PFKP: variants seen among roughly 807,000 people sequenced by gnomAD.
PFKP encodes ATP-dependent 6-phosphofructokinase, platelet type.
A neutral mutation model predicts 94.3 loss-of-function variants in PFKP; 101 were observed. The ratio of observed to expected loss-of-function variants is 1.07; its 90% CI spans 0.91 to 1.26. PFKP has a LOEUF of 1.26. PFKP is among the 50% of genes most tolerant of loss of function. The pLI is 0.00. For synonymous variants in PFKP, 573 were observed against 432.6 expected (o/e 1.32, Z -4.03); for missense variants, 1,145 against 1,103.3 (o/e 1.04, Z -0.53).
chr10:3,118,272 T>G (rs1837027276), intron 14 of PFKP, among the ~76,000 whole-genome samples: 1 of 152,208 alleles, frequency 6.6e-6, no homozygotes, highest in Admixed American at 6.5e-5. Context: ...ATGGAGACCA[T>G]CCTGGCCAAC....
intron 1 of PFKP, among the ~76,000 whole-genome samples, chr10:3,070,016 G>T (rs933032904): frequency 2.0e-5 from 3 of 152,240 alleles, no homozygotes; most frequent in Admixed American, 1.3e-4. Flanking sequence ...GCAACCTCGG[G>T]TTAATAGGAG....
intron 2 of PFKP, among the ~76,000 whole-genome samples, chr10:3,086,087 C>A (rs1833569688): frequency 6.6e-6 from 1 of 152,094 alleles, no homozygotes; most frequent in Non-Finnish European, 1.5e-5. Context: ...GTTTTAAAAG[C>A]TGTTTGGGGA....
At chr10:3,118,104 A>G (rs1301312313) in intron 14 of PFKP, among the ~76,000 whole-genome samples, 2 of 152,136 alleles carry the variant, frequency 1.3e-5, no homozygotes, top group African/African-American at 4.8e-5. Context: ...AGCAGGTATG[A>G]GCAGATGGGA....
chr10:3,070,075 C>G (rs1259395928), intron 1 of PFKP, among the ~76,000 whole-genome samples: 1 of 152,254 alleles, frequency 6.6e-6, no homozygotes, highest in Admixed American at 6.5e-5. Flanking sequence ...TGGCCTCGAG[C>G]CCACATGGGT....
chr10:3,118,880 G>C lies in PFKP; in HGVS notation c.1530+11G>C, dbSNP rs368880362. 1 of 1,605,032 alleles carries C rather than the reference G, an allele frequency of 6.2e-7. No homozygotes were observed. The highest frequency in any genetic ancestry group is 1.1e-5 in the South Asian group (1 of 90,504). Reference sequence around the variant, plus strand: ...ATCGGTGGATTCGAGGTACGTTACCGTTTCTCTCTTGCCGGTCTTGCAGGT... The same window carrying C: ...ATCGGTGGATTCGAGGTACGTTACCCTTTCTCTCTTGCCGGTCTTGCAGGT... On this transcript the variant is annotated intron_variant, in intron 15 of 21. Coordinates refer to ENST00000381125, the MANE Select transcript of PFKP (RefSeq NM_002627.5).
intron 3 of PFKP, chr10:3,100,968 C>T (rs895497758): frequency 1.1e-5 from 18 of 1,612,160 alleles, no homozygotes; most frequent in East Asian, 6.7e-5. Flanking sequence ...CTGGTCACAC[C>T]GCTTCCCTTG....
At chr10:3,072,263 T>A (rs990851993) in intron 1 of PFKP, among the ~76,000 whole-genome samples, 1 of 152,224 alleles carries the variant, frequency 6.6e-6, no homozygotes, top group African/African-American at 2.4e-5. Flanking sequence ...GTCAGAAGTG[T>A]GAGGTTTCCA....
chr10:3,072,377 C>T (rs1832262639), intron 1 of PFKP, among the ~76,000 whole-genome samples: 1 of 152,216 alleles, frequency 6.6e-6, no homozygotes, highest in African/African-American at 2.4e-5. Flanking sequence ...GGCTTCGGAG[C>T]CCAGTAGGGT....
intron 11 of PFKP, 68 bp downstream of exon 11, chr10:3,112,354 C>G (rs373829642): frequency 8.7e-7 from 1 of 1,151,170 alleles, no homozygotes; most frequent in Non-Finnish European, 1.3e-6. Flanking sequence ...CCACTGCAAA[C>G]GTGCTTAGGG....
At chr10:3,109,257 A>G in intron 9 of PFKP, 98 bp from the exon 10 acceptor site, 1 of 1,499,128 alleles carries the variant, frequency 6.7e-7, no homozygotes, top group Non-Finnish European at 9.2e-7. Context: ...GGCTGTGAGC[A>G]CCTGACTGAG....
intron 2 of PFKP, among the ~76,000 whole-genome samples, chr10:3,092,345 TAGAG>T: frequency 6.6e-6 from 1 of 151,998 alleles, no homozygotes. Flanking sequence ...CTCGTGGAGG[TAGAG>T]AGGAGGATGT....
At chr10:3,116,872 AC>A in intron 14 of PFKP, 26 bp downstream of exon 14, 1 of 1,526,112 alleles carries the variant, frequency 6.6e-7, no homozygotes, top group Non-Finnish European at 9.1e-7. Context: ...CAACTCTATG[AC>A]CTGCTTTTAA....
At position 3,071,436 on chromosome 10, in the gene PFKP, T is replaced by G. The variant is rs940117300; in HGVS notation, c.112+3729T>G. Among the ~76,000 whole-genome samples the G allele has an allele frequency of 7.1e-4, 75 of 105,534 alleles. 1 individual carries two copies. The highest frequency in any genetic ancestry group is 1.7e-3 in the African/African-American group (64 of 38,062). 69.2% of individuals were successfully genotyped at this position (105,534 alleles called of 152,430 possible). A position where few individuals can be genotyped will look rare whatever the true frequency, so the allele number is the denominator to read the frequency against. On this transcript the variant is annotated intron_variant, in intron 1 of 21. Transcript: ENST00000381125. ...TCTTCTGTCTCAGGCTGTTTTTTTT[T>G]TTTTTTTTTTTTTCTTTCTCTTCTT... is the stretch of plus-strand genomic sequence containing the variant.
chr10:3,104,469 C>A (rs1171013371), intron 5 of PFKP, among the ~76,000 whole-genome samples: 1 of 152,172 alleles, frequency 6.6e-6, no homozygotes, highest in Non-Finnish European at 1.5e-5. Context: ...TAAGTGTCTC[C>A]CCTTTAAGGA....
intron 20 of PFKP, among the ~76,000 whole-genome samples, chr10:3,134,861 G>T (rs988193291): frequency 2.6e-5 from 4 of 152,204 alleles, no homozygotes; most frequent in African/African-American, 9.7e-5. Context: ...GATCCTGAAC[G>T]TTGGCCAGCA....
intron 2 of PFKP, among the ~76,000 whole-genome samples, chr10:3,098,895 G>A (rs970311988): frequency 3.3e-5 from 5 of 152,256 alleles, no homozygotes; most frequent in East Asian, 1.9e-4. Context: ...TGTATGTCCC[G>A]TGCTCGACAG....
Position 3,119,974 on chromosome 10 carries a change from CTGTGTCCAA to C in PFKP, c.1614_1622del (p.Val539_Asn541del), listed in dbSNP as rs1433707543. On this transcript the variant is annotated inframe_deletion, in exon 16 of 22. Coordinates refer to ENST00000381125, the MANE Select transcript of PFKP (RefSeq NM_002627.5). ...GTCCCCATGGTCATGGTTCCCGCTA[CTGTGTCCAA>C]CAATGTGCCGGGTTCCGATTTCAGC... 6.2e-7 allele frequency: 1 copy of C among 1,614,168 alleles called. No individual in the cohort carries two copies. Among genetic ancestry groups the C allele is most frequent in the Admixed American group, 1.7e-5 (1 of 60,036 alleles).
intron 3 of PFKP, among the ~76,000 whole-genome samples, chr10:3,099,639 G>A (rs1273821445): frequency 6.6e-6 from 1 of 152,206 alleles, no homozygotes; most frequent in African/African-American, 2.4e-5. Context: ...CTCTGCATTG[G>A]GCGCCTCCTG....
Position 3,099,262 on chromosome 10 carries a change from C to G in PFKP, c.187-13C>G. ...TTATCTCATTTTTAAAAGATTCTCC[C>G]TTTCTCCCCTAGGGCTACCAGGGCA... On this transcript the variant is annotated splice_polypyrimidine_tract_variant and intron_variant, in intron 2 of 21. Transcript: ENST00000381125. The G allele has an allele frequency of 6.2e-7, 1 of 1,605,126 alleles. No individual in the cohort carries two copies. Among genetic ancestry groups the G allele is most frequent in the Non-Finnish European group, 8.5e-7 (1 of 1,172,068 alleles).
Sources: allele counts gnomAD v4.1 joint callset (sites outside exome capture counted in the v4.1 genomes callset), GRCh38; gene constraint gnomAD v4.1.1; transcripts MANE v1.5; gene names NCBI Gene and HGNC (gene_info 2026-07-23, HGNC 2026-07-21).